Variants in KDM4B observed in about 807,000 individuals in gnomAD.
The protein encoded by KDM4B is lysine-specific demethylase 4B.
Under a neutral mutation model 125.2 loss-of-function variants are expected in KDM4B, and 32 were observed. The ratio of observed to expected loss-of-function variants is 0.26; its 90% CI spans 0.19 to 0.34. KDM4B has a LOEUF of 0.34. Ranked by LOEUF, KDM4B falls within the 10% of genes least tolerant of loss-of-function variation. The pLI is 1.00. For synonymous variants in KDM4B, 721 were observed against 677.9 expected (o/e 1.06, Z -0.99); for missense variants, 1,190 against 1,577.7 (o/e 0.75, Z 4.16).
rs368992366 is a variant in KDM4B at position 5,113,820 on chromosome 19, AC to A, written c.1115+3007del. 2.4e-5 allele frequency: 22 copies of A among 918,298 alleles called. No homozygotes were observed. The East Asian group carries it at 2.5e-3, about 104-fold the overall frequency. 56.9% of individuals were successfully genotyped at this position (918,298 alleles called of 1,614,324 possible). On this transcript the variant is annotated intron_variant, in intron 10 of 22. Coordinates refer to ENST00000159111, the MANE Select transcript of KDM4B (RefSeq NM_015015.3). ...GCATCAGGGTGGGCGCCATGCCCTC[AC>A]CCCCGTGCAGTCCAGCCTTCCCTGC... is the stretch of plus-strand genomic sequence containing the variant.
chr19:5,139,359 C>T (rs2039702322), intron 18 of KDM4B, among the ~76,000 whole-genome samples: 1 of 151,620 alleles, frequency 6.6e-6, no homozygotes, highest in Admixed American at 6.6e-5. Flanking sequence ...ATGTCTCTGC[C>T]TTCAGGCTGT....
At chr19:4,979,468 G>A (rs1238320028) in intron 1 of KDM4B, among the ~76,000 whole-genome samples, 1 of 152,252 alleles carries the variant, frequency 6.6e-6, no homozygotes, top group African/African-American at 2.4e-5. Flanking sequence ...AGATCTGAGA[G>A]GGGATGGGGT....
rs567942953 is a variant in KDM4B, at chr19:5,143,953, G to A, written c.2551-14G>A. Reference sequence around the variant, plus strand: ...GCTCGAGCCCCATGCCCCTGCCTGTGTCCCCATCCCCAGAAATGCGTGTAC... The same window carrying A: ...GCTCGAGCCCCATGCCCCTGCCTGTATCCCCATCCCCAGAAATGCGTGTAC... On this transcript the variant is annotated splice_polypyrimidine_tract_variant and intron_variant, in intron 18 of 22. Coordinates refer to ENST00000159111, the MANE Select transcript of KDM4B (RefSeq NM_015015.3). 6.4e-7 allele frequency: 1 copy of A among 1,569,552 alleles called. No individual in the cohort carries two copies. The highest frequency in any genetic ancestry group is 1.3e-5 in the African/African-American group (1 of 74,084).
rs116704202 is a variant in KDM4B at position 5,143,947 on chromosome 19, G to A, written c.2551-20G>A. On this transcript the variant is annotated intron_variant, in intron 18 of 22. Transcript: ENST00000159111. ...AGGGAAGCTCGAGCCCCATGCCCCT[G>A]CCTGTGTCCCCATCCCCAGAAATGC... 2.6e-3 allele frequency: 4,132 copies of A among 1,564,142 alleles called. 105 individuals are homozygous for A. The African/African-American group carries it at 0.048, about 18-fold the overall frequency.
chr19:5,129,599 A>G (rs1035413647), intron 11 of KDM4B, among the ~76,000 whole-genome samples: 22 of 152,210 alleles, frequency 1.4e-4, no homozygotes, highest in Admixed American at 1.4e-3. Flanking sequence ...GGAGGTGGTG[A>G]AATGTTAGCA....
chr19:4,981,182 C>T (rs1312511196), intron 1 of KDM4B, among the ~76,000 whole-genome samples: 1 of 152,152 alleles, frequency 6.6e-6, no homozygotes, highest in Non-Finnish European at 1.5e-5. Flanking sequence ...CCTGTGTCTC[C>T]GCTCCATGGG....
intron 13 of KDM4B, among the ~76,000 whole-genome samples, chr19:5,132,607 C>A (rs1188849769): frequency 6.6e-6 from 1 of 152,014 alleles, no homozygotes; most frequent in Non-Finnish European, 1.5e-5. Context: ...GTGGAGGAAT[C>A]GGCACGGGGA....
rs771459932 is a variant in KDM4B at position 5,114,100 on chromosome 19, C to T, written c.1115+3282C>T. 1.0e-4 allele frequency: 131 copies of T among 1,289,410 alleles called. No homozygotes were observed. Among genetic ancestry groups the T allele is most frequent in the Non-Finnish European group, 1.2e-4 (122 of 988,736 alleles). The allele number at this position is 1,289,410 out of a possible 1,614,324, so 79.9% of individuals were successfully genotyped here. A position where few individuals can be genotyped will look rare whatever the true frequency, so the allele number is the denominator to read the frequency against. On this transcript the variant is annotated intron_variant, in intron 10 of 22. Transcript: ENST00000159111. This position sits in a 1 kb window ranked among gnomAD's most constrained non-coding sequence, Gnocchi z 5.8. ...CCCTCAGCCTCCCCACTCCCGGTGGCGCTGTGCGTTCTGGTGCCCTGCCTG... is the reference window on the plus strand; with the variant it reads ...CCCTCAGCCTCCCCACTCCCGGTGGTGCTGTGCGTTCTGGTGCCCTGCCTG...
intron 9 of KDM4B, among the ~76,000 whole-genome samples, chr19:5,088,953 AC>A (rs1249210562): frequency 6.6e-6 from 1 of 152,042 alleles, no homozygotes; most frequent in Non-Finnish European, 1.5e-5. Context: ...GAGAAGCCAG[AC>A]CCAGAGGCTA....
intron 11 of KDM4B, among the ~76,000 whole-genome samples, chr19:5,127,767 C>T (rs867194948): frequency 3.3e-5 from 5 of 152,052 alleles, no homozygotes; most frequent in Middle Eastern, 3.2e-3. Context: ...GGACAGCCCC[C>T]GGGAGGCCTA....
intron 9 of KDM4B, among the ~76,000 whole-genome samples, chr19:5,095,653 C>T (rs1357905297): frequency 6.6e-6 from 1 of 152,174 alleles, no homozygotes. Context: ...CAGGGCAGAG[C>T]CTGCTAGGAG....
intron 18 of KDM4B, among the ~76,000 whole-genome samples, chr19:5,143,139 A>G (rs557393956): frequency 1.3e-5 from 2 of 152,208 alleles, no homozygotes; most frequent in South Asian, 2.1e-4. Context: ...CAGCCTGGAC[A>G]ATATAGCAAG....
At chr19:5,105,161 C>T (rs2039010590) in intron 9 of KDM4B, among the ~76,000 whole-genome samples, 1 of 152,188 alleles carries the variant, frequency 6.6e-6, no homozygotes, top group Non-Finnish European at 1.5e-5. Context: ...GCACAGGACC[C>T]AGAGCGGGGC....
chr19:5,037,759 G>A (rs185338572), intron 3 of KDM4B, among the ~76,000 whole-genome samples: 3 of 152,318 alleles, frequency 2.0e-5, no homozygotes, highest in East Asian at 3.9e-4. Context: ...ACCCTCAGTC[G>A]TGAAAGCCAC....
intron 11 of KDM4B, among the ~76,000 whole-genome samples, chr19:5,120,503 G>A (rs1316476705): frequency 6.6e-6 from 1 of 152,154 alleles, no homozygotes; most frequent in Non-Finnish European, 1.5e-5. Flanking sequence ...GCAAGACAGG[G>A]GGCAGCCGCC....
chr19:5,071,869 G>A (rs937524178), intron 7 of KDM4B, among the ~76,000 whole-genome samples: 1 of 152,210 alleles, frequency 6.6e-6, no homozygotes, highest in Non-Finnish European at 1.5e-5. Flanking sequence ...GACACAGCTG[G>A]CTAAAGCAGT....
intron 13 of KDM4B, 55 bp downstream of exon 13, chr19:5,132,062 C>T: frequency 6.6e-7 from 1 of 1,509,340 alleles, no homozygotes; most frequent in South Asian, 1.3e-5. Flanking sequence ...CGCTCTGCTG[C>T]TGCTGGAGGG....
At position 5,128,230 on chromosome 19, in the gene KDM4B, T is replaced by TCA. The variant is rs1401961818; in HGVS notation, c.1316-2846_1316-2845insCA. Among the ~76,000 whole-genome samples the TCA allele has an allele frequency of 3.9e-5, 6 of 152,272 alleles. No individual in the cohort carries two copies. In the South Asian group the frequency reaches 1.0e-3, roughly 26 times the overall value. Reference sequence around the variant, plus strand: ...TGGGGGTGCCGGCTGGGGACTCTGATGAGTGTTTCCTCCTCGCCTCCTTCC... The same window carrying TCA: ...TGGGGGTGCCGGCTGGGGACTCTGATCAGAGTGTTTCCTCCTCGCCTCCTTCC... On this transcript the variant is annotated intron_variant, in intron 11 of 22. Transcript: ENST00000159111.
rs530469372 is a variant in KDM4B, at chr19:5,131,194, G to C, written c.1434G>C (p.Ala478=). 9.4e-6 allele frequency: 15 copies of C among 1,603,682 alleles called. No homozygotes were observed. In the East Asian group the frequency reaches 3.4e-4, roughly 36 times the overall value. Reference sequence around the variant, plus strand: ...CTGCTCACTTCCCCTCAGAGGAGGCGCTGTGGCTGCCATCCCCACTGGAGC... The same window carrying C: ...CTGCTCACTTCCCCTCAGAGGAGGCCCTGTGGCTGCCATCCCCACTGGAGC... ...PPPAHFPSEE[A]LWLPSPLEPP... Residue 478 remains alanine (A), a synonymous_variant, in exon 12 of 23, where the codon GCG becomes GCC. Coordinates refer to ENST00000159111, the MANE Select transcript of KDM4B (RefSeq NM_015015.3).
Sources: gnomAD v4.1 joint callset for allele counts (sites outside exome capture counted in the v4.1 genomes callset) on GRCh38, gnomAD v4.1.1 for gene constraint, Gnocchi (gnomAD v3.1) non-coding constraint, MANE v1.5 for transcripts, NCBI Gene and HGNC (gene_info 2026-07-23, HGNC 2026-07-21) for gene names.